Variants in PCDH7 observed in about 807,000 individuals in gnomAD.
PCDH7 encodes protocadherin 7, also known as protocadherin-7.
In PCDH7, 17 loss-of-function variants were observed where a neutral mutation model predicts 58.9. That is an observed-to-expected ratio of 0.29 (90% CI 0.20 to 0.43). The LOEUF is 0.43. Ranked by LOEUF, PCDH7 falls within the 20% of genes least tolerant of loss-of-function variation. The pLI, the probability that PCDH7 is intolerant of heterozygous loss-of-function variation, is 1.00. For synonymous variants in PCDH7, 664 were observed against 616.4 expected (o/e 1.08, Z -1.14); for missense variants, 1,274 against 1,441.0 (o/e 0.88, Z 1.88).
At position 30,842,583 on chromosome 4, in the gene PCDH7, G is replaced by T. The variant is rs1224705847; in HGVS notation, c.71-77570G>T. Among the ~76,000 whole-genome samples, 8 of 152,130 alleles carry T rather than the reference G, an allele frequency of 5.3e-5. 1 individual carries two copies. The highest frequency in any genetic ancestry group is 2.9e-5 in the Non-Finnish European group (2 of 68,042). On this transcript the variant is annotated intron_variant, in intron 1 of 3. Coordinates refer to the PCDH7 transcript ENST00000509759. ...ATTCAGTGAGTGGATGGATTGGATG[G>T]ATGTGTGAATTAATGATGAAAGTTA... is the stretch of plus-strand genomic sequence containing the variant.
chr4:31,094,426 G>A (rs1713677867), intron 3 of PCDH7, among the ~76,000 whole-genome samples: 3 of 152,080 alleles, frequency 2.0e-5, no homozygotes, highest in Admixed American at 1.3e-4. Context: ...GTGAAAGGCT[G>A]CAAATGGACA....
chr4:30,987,119 T>G, intron 3 of PCDH7, among the ~76,000 whole-genome samples: 1 of 152,312 alleles, frequency 6.6e-6, no homozygotes, highest in African/African-American at 2.4e-5. Context: ...AGTCCATTCC[T>G]TTATGATTTT....
chr4:30,739,193 A>G (rs1716750175), intron 1 of PCDH7, among the ~76,000 whole-genome samples: 1 of 148,466 alleles, frequency 6.7e-6, no homozygotes, highest in Non-Finnish European at 1.5e-5. Context: ...AGTGTGCTGT[A>G]GGAGTGATGA....
At chr4:30,850,627 G>A (rs989561803) in intron 1 of PCDH7, among the ~76,000 whole-genome samples, 1 of 152,012 alleles carries the variant, frequency 6.6e-6, no homozygotes, top group African/African-American at 2.4e-5. Context: ...CACAGAAGTT[G>A]TTTAACTAAG....
At chr4:31,025,549 T>A (rs538140512) in intron 3 of PCDH7, among the ~76,000 whole-genome samples, 4 of 152,220 alleles carry the variant, frequency 2.6e-5, no homozygotes, top group Non-Finnish European at 5.9e-5. Flanking sequence ...TTGAAGTAGA[T>A]GATTTATTTT....
At chr4:30,727,689 T>A (rs903498862) in intron 1 of PCDH7, among the ~76,000 whole-genome samples, 1 of 151,960 alleles carries the variant, frequency 6.6e-6, no homozygotes, top group African/African-American at 2.4e-5. Context: ...GTTAAACTTT[T>A]GTGAACTAGA....
chr4:31,134,240 T>A (rs1719323907), intron 3 of PCDH7, among the ~76,000 whole-genome samples: 1 of 151,826 alleles, frequency 6.6e-6, no homozygotes. Flanking sequence ...GGTTGGGGGA[T>A]CATGAGGTCA....
At chr4:31,047,321 A>G (rs1187907649) in intron 3 of PCDH7, among the ~76,000 whole-genome samples, 1 of 152,064 alleles carries the variant, frequency 6.6e-6, no homozygotes, top group Non-Finnish European at 1.5e-5. Flanking sequence ...AGCATGATTG[A>G]CAATTTGTAA....
chr4:30,724,599 A>T lies in PCDH7; in HGVS notation c.3174+3A>T. 1 of 1,613,840 alleles carries T rather than the reference A, an allele frequency of 6.2e-7. No individual in the cohort carries two copies. Among genetic ancestry groups the T allele is most frequent in the Non-Finnish European group, 8.5e-7 (1 of 1,179,836 alleles). On this transcript the variant is annotated splice_donor_region_variant and intron_variant, in intron 1 of 1. Transcript: ENST00000361762. ...CCAATAACAAGTACAGCAAACAGGT[A>T]AGATGTATCCCAAATATATTTAAAT... is the stretch of plus-strand genomic sequence containing the variant.
intron 1 of PCDH7, among the ~76,000 whole-genome samples, chr4:30,750,259 GA>G (rs1264428828): frequency 6.6e-6 from 1 of 152,134 alleles, no homozygotes; most frequent in African/African-American, 2.4e-5. Context: ...AAGTGGCCCT[GA>G]AGGCTGGAAA....
At chr4:30,966,882 C>T (rs114308409) in intron 3 of PCDH7, among the ~76,000 whole-genome samples, 2,112 of 152,110 alleles carry the variant, frequency 0.014, 26 homozygotes, top group Non-Finnish European at 0.021. Context: ...AGAAGAGCAT[C>T]AAAATGGAAA....
chr4:30,853,394 T>C (rs1405382324), intron 1 of PCDH7, among the ~76,000 whole-genome samples: 1 of 152,142 alleles, frequency 6.6e-6, no homozygotes, highest in Non-Finnish European at 1.5e-5. Flanking sequence ...TCAAGTCTTC[T>C]AGGTGTAGCC....
intron 3 of PCDH7, among the ~76,000 whole-genome samples, chr4:30,955,649 A>G (rs1274636357): frequency 6.6e-6 from 1 of 151,828 alleles, no homozygotes; most frequent in Non-Finnish European, 1.5e-5. Context: ...CATGGGTTCA[A>G]GGGATTCTCC....
intron 1 of PCDH7, among the ~76,000 whole-genome samples, chr4:30,878,466 A>C (rs943175776): frequency 3.3e-4 from 50 of 152,102 alleles, no homozygotes; most frequent in African/African-American, 1.1e-3. Context: ...GAGGACAGCC[A>C]ATGGACCTTT....
chr4:30,758,759 C>G (rs963222886), intron 1 of PCDH7, among the ~76,000 whole-genome samples: 1 of 151,976 alleles, frequency 6.6e-6, no homozygotes, highest in African/African-American at 2.4e-5. Flanking sequence ...GTGGATTGCT[C>G]ATTGCTTTTT....
chr4:31,143,040 C>A (rs1364659064), downstream of PCDH7: 3 of 306,036 alleles, frequency 9.8e-6, no homozygotes, highest in African/African-American at 4.5e-5. Context: ...AATGTAGAAA[C>A]CATCCTTGTT....
In PCDH7 at chr4:30,721,643, A is replaced by C. The variant is rs1713570779; in HGVS notation, c.221A>C (p.Tyr74Ser). Residue 74 changes from tyrosine (Y) to serine (S), a missense_variant, in exon 1 of 2, where the codon TAC becomes TCC. By Grantham distance (144) the Tyr-to-Ser change is moderately radical. This residue lies in a region of PCDH7 where 212 missense variants were observed against 255.8 expected (regional missense o/e 0.83). Coordinates refer to ENST00000361762, the Ensembl canonical transcript of PCDH7. The surrounding 1 kb of genome is among the most constrained non-coding windows in gnomAD (Gnocchi z 6.7). ...TTCAGCCTGGAGTCCGGTTCCGAGT[A>C]CCTGAAGATCGACAACCTCACTGGC... 6.2e-7 allele frequency: 1 copy of C among 1,613,792 alleles called. No homozygotes were observed. The highest frequency in any genetic ancestry group is 1.3e-5 in the African/African-American group (1 of 74,946).
chr4:30,818,664 C>G (rs1169119059), intron 1 of PCDH7, among the ~76,000 whole-genome samples: 1 of 152,178 alleles, frequency 6.6e-6, no homozygotes, highest in Non-Finnish European at 1.5e-5. Flanking sequence ...GAATCTGGAA[C>G]ACCAATTTCC....
intron 2 of PCDH7, among the ~76,000 whole-genome samples, chr4:30,932,429 A>G (rs1340482606): frequency 6.6e-6 from 1 of 152,180 alleles, no homozygotes; most frequent in Non-Finnish European, 1.5e-5. Context: ...TGTCACATAA[A>G]TTTATTATTT....
Sources: gnomAD v4.1 joint callset for allele counts (sites outside exome capture counted in the v4.1 genomes callset) on GRCh38, gnomAD v4.1.1 for gene constraint, gnomAD v4.1.1 regional missense constraint, Gnocchi (gnomAD v3.1) non-coding constraint, MANE v1.5 for transcripts, NCBI Gene and HGNC (gene_info 2026-07-23, HGNC 2026-07-21) for gene names.